The following RPF2 variants were observed in gnomAD, a reference collection of about 807,000 sequenced individuals.
RPF2 encodes the protein brix domain containing 1.
A neutral mutation model predicts 38.9 loss-of-function variants in RPF2; 21 were observed. The observed-to-expected ratio is 0.54, with a 90% confidence interval of 0.38 to 0.78. The LOEUF (loss-of-function observed/expected upper bound fraction) is 0.78. Among genes scored for constraint, RPF2 ranks in the 30% least tolerant of loss-of-function variants. The probability of loss-of-function intolerance (pLI) is 0.00; values close to 1 mark genes in which losing one functional copy is unlikely to be tolerated. For missense variants in RPF2, 314 were observed against 358.1 expected, an observed-to-expected ratio of 0.88 and a Z score of 0.99; for synonymous variants, 121 against 126.2, an observed-to-expected ratio of 0.96 and a Z score of 0.28.
At chr6:110,991,590 A>T (rs1343378317) in intron 3 of RPF2, among the ~76,000 whole-genome samples, 157 bp from the exon 4 acceptor site, 1 of 152,174 alleles carries the variant, frequency 6.6e-6, no homozygotes, top group African/African-American at 2.4e-5. Context: ...ACTAGCTCCT[A>T]GAATGGTAGC....
At chr6:110,990,166 G>A (rs983479752) in intron 3 of RPF2, among the ~76,000 whole-genome samples, 4 of 151,492 alleles carry the variant, frequency 2.6e-5, no homozygotes, top group Non-Finnish European at 5.9e-5. Flanking sequence ...TCGAACTCCC[G>A]ACCTCAGGTG....
At chr6:111,004,522 T>C (rs774376618) in intron 6 of RPF2, among the ~76,000 whole-genome samples, 1 of 150,508 alleles carries the variant, frequency 6.6e-6, no homozygotes, top group Non-Finnish European at 1.5e-5. Flanking sequence ...GTAAAAAATA[T>C]CAGTGCTGTA....
At chr6:111,013,545 AGT>A (rs1465650689) in intron 7 of RPF2, among the ~76,000 whole-genome samples, 2 of 152,222 alleles carry the variant, frequency 1.3e-5, no homozygotes, top group African/African-American at 4.8e-5. Context: ...TTATATTCAT[AGT>A]CTTAGAAATT....
chr6:110,985,095 G>T lies in RPF2; in HGVS notation c.113G>T (p.Gly38Val). 3 of 1,613,710 alleles carry T rather than the reference G, an allele frequency of 1.9e-6. No homozygotes were observed. The highest frequency in any genetic ancestry group is 2.5e-6 in the Non-Finnish European group (3 of 1,179,750). The change falls in exon 2 of 10, where the codon GGG (glycine) becomes GTG (valine). Residue 38 changes from glycine to valine, a missense_variant. Gly to Val is a moderately radical substitution (Grantham distance 109). Coordinates refer to ENST00000441448, the MANE Select transcript of RPF2 (RefSeq NM_032194.3). ...ATTAAAAATGCCATGCTGATTAAAG[G>T]GGGAAATGCAAATGCAACAGTGACA... ...ENIKNAMLIK[G>V]GNANATVTKV...
At chr6:111,019,136 G>A (rs1003539884) in intron 8 of RPF2, among the ~76,000 whole-genome samples, 5 of 152,174 alleles carry the variant, frequency 3.3e-5, no homozygotes, top group Admixed American at 2.0e-4. Flanking sequence ...AGCCCAGGAC[G>A]CAGAGGTTAC....
In RPF2 at chr6:111,025,523, C is replaced by A; in HGVS notation, c.862C>A (p.Pro288Thr). 1.2e-6 allele frequency: 2 copies of A among 1,613,158 alleles called. No homozygotes were observed. Among genetic ancestry groups the A allele is most frequent in the Non-Finnish European group, 1.7e-6 (2 of 1,179,788 alleles). The change falls in exon 10 of 10, where the codon CCT becomes ACT. Residue 288 changes from proline to threonine, a missense_variant. Physicochemically the swap from Pro to Thr is conservative, Grantham distance 38. Transcript: ENST00000441448. ...TRKMKGLKKR[P>T]AERITEDHEK... ...GAAAATGAAGGGGTTGAAGAAGCGA[C>A]CTGCAGAAAGGATAACAGAAGACCA...
intron 8 of RPF2, among the ~76,000 whole-genome samples, chr6:111,017,478 G>A (rs1427682155): frequency 6.7e-6 from 1 of 148,348 alleles, no homozygotes; most frequent in African/African-American, 2.5e-5. Flanking sequence ...CGGGCGGAGG[G>A]GCTCCTCACT....
In RPF2 at chr6:111,021,657, C is replaced by T. The variant is rs149364559; in HGVS notation, c.597-2526C>T. On this transcript the variant is annotated intron_variant, in intron 8 of 9. Coordinates refer to ENST00000441448, the MANE Select transcript of RPF2 (RefSeq NM_032194.3). ...ATACCATTTAGATAATTCTGAGGTC[C>T]CCCTAAGATTGACAGTACTGCTTTA... Among the ~76,000 whole-genome samples the T allele has an allele frequency of 1.6e-4, 25 of 152,204 alleles. No individual in the cohort carries two copies. In the East Asian group the frequency reaches 2.9e-3, roughly 18 times the overall value.
intron 8 of RPF2, among the ~76,000 whole-genome samples, chr6:111,023,595 A>G (rs1345426948): frequency 6.6e-6 from 1 of 152,080 alleles, no homozygotes; most frequent in Non-Finnish European, 1.5e-5. Context: ...TTTATTTCTG[A>G]TTTTTAAAAA....
intron 4 of RPF2, among the ~76,000 whole-genome samples, chr6:110,994,263 G>C (rs1191684897): frequency 7.0e-6 from 1 of 142,250 alleles, no homozygotes; most frequent in African/African-American, 2.7e-5. Flanking sequence ...CAACAAGAGT[G>C]AAACTCCATC....
intron 6 of RPF2, among the ~76,000 whole-genome samples, chr6:111,006,381 T>C (rs1025923164): frequency 2.0e-5 from 3 of 151,624 alleles, no homozygotes; most frequent in African/African-American, 7.3e-5. Context: ...ACTACAGGCG[T>C]GTACCACCAC....
Position 110,982,063 on chromosome 6 carries a change from G to A in RPF2, c.-44G>A. 1 of 1,612,432 alleles carries A rather than the reference G, an allele frequency of 6.2e-7. No individual in the cohort carries two copies. The highest frequency in any genetic ancestry group is 1.1e-5 in the South Asian group (1 of 91,038). On this transcript the variant is annotated 5_prime_UTR_variant, in exon 1 of 10. Coordinates refer to ENST00000441448, the MANE Select transcript of RPF2 (RefSeq NM_032194.3). Reference sequence around the variant, plus strand: ...GTTCCGGCGCACGTAATCGCCGAGGGCACGTGCATGCCCCCTGGTTAAGAG... The same window carrying A: ...GTTCCGGCGCACGTAATCGCCGAGGACACGTGCATGCCCCCTGGTTAAGAG...
chr6:110,992,856 C>T (rs1030922155), intron 4 of RPF2, among the ~76,000 whole-genome samples: 11 of 152,232 alleles, frequency 7.2e-5, no homozygotes, highest in Middle Eastern at 3.4e-3. Context: ...GCAGGAGGAT[C>T]GCTTGAGCCT....
chr6:110,985,049 G>A lies in RPF2; in HGVS notation c.67G>A (p.Glu23Lys), dbSNP rs770199655. 6 of 1,612,620 alleles carry A rather than the reference G, an allele frequency of 3.7e-6. No homozygotes were observed. Among genetic ancestry groups the A allele is most frequent in the Non-Finnish European group, 5.1e-6 (6 of 1,179,692 alleles). The change falls in exon 2 of 10, where the codon GAA (glutamate) becomes AAA (lysine). Residue 23 changes from glutamate (E) to lysine (K), a missense_variant. Transcript: ENST00000441448. ...AGCCAAGAGATTCCTTGAGAAGAGAGAACCGAAACTCAATGAAAATATTAA... is the reference window on the plus strand; with the variant it reads ...AGCCAAGAGATTCCTTGAGAAGAGAAAACCGAAACTCAATGAAAATATTAA... ...KRAKRFLEKR[E>K]PKLNENIKNA...
At chr6:111,022,252 G>A (rs2114356017) in intron 8 of RPF2, among the ~76,000 whole-genome samples, 1 of 152,324 alleles carries the variant, frequency 6.6e-6, no homozygotes, top group East Asian at 1.9e-4. Flanking sequence ...AAGTGTATGA[G>A]AGGGAGAAAA....
At chr6:111,017,614 G>C (rs1483813643) in intron 8 of RPF2, among the ~76,000 whole-genome samples, 1 of 147,348 alleles carries the variant, frequency 6.8e-6, no homozygotes, top group African/African-American at 2.6e-5. Flanking sequence ...CATCCCAGAC[G>C]GGGCGGCAGG....
At chr6:110,999,848 C>A (rs1056880177) in intron 6 of RPF2, 61 bp downstream of exon 6, 14 of 932,866 alleles carry the variant, frequency 1.5e-5, no homozygotes, top group Non-Finnish European at 2.3e-5. Flanking sequence ...GTAGTGACAT[C>A]TTGTGGTGAA....
chr6:110,997,474 G>A (rs1771736165), intron 5 of RPF2, among the ~76,000 whole-genome samples: 1 of 152,120 alleles, frequency 6.6e-6, no homozygotes, highest in Non-Finnish European at 1.5e-5. Flanking sequence ...TGGCATGGTG[G>A]TTCATGCCTG....
At chr6:111,015,070 G>C (rs980569500) in intron 7 of RPF2, among the ~76,000 whole-genome samples, 6 of 152,208 alleles carry the variant, frequency 3.9e-5, no homozygotes, top group Non-Finnish European at 7.3e-5. Context: ...GAGCCACTGT[G>C]CATGGCTGAC....
Sources: allele counts gnomAD v4.1 joint callset (sites outside exome capture counted in the v4.1 genomes callset), GRCh38; gene constraint gnomAD v4.1.1; transcripts MANE v1.5; gene names NCBI Gene and HGNC (gene_info 2026-07-23, HGNC 2026-07-21).